The following ADAM23 variants were observed in gnomAD, a reference collection of about 807,000 sequenced individuals.
ADAM23 encodes ADAM metallopeptidase domain 23, also known as disintegrin and metalloproteinase domain-containing protein 23.
ADAM23 carries 33 observed loss-of-function variants against 120.1 expected under a neutral mutation model. The ratio of observed to expected loss-of-function variants is 0.27; its 90% confidence interval spans 0.21 to 0.37. The LOEUF (loss-of-function observed/expected upper bound fraction) is 0.37, where lower values mean the gene tolerates loss of function less well. ADAM23 is among the 10% of genes least tolerant of loss of function. ADAM23 has a pLI of 1.00. For synonymous variants in ADAM23, 367 were observed against 375.2 expected, an observed-to-expected ratio of 0.98 and a Z score of 0.25; for missense variants, 862 against 1,058.2, an observed-to-expected ratio of 0.81 and a Z score of 2.57.
intron 9 of ADAM23, among the ~76,000 whole-genome samples, chr2:206,554,825 A>T (rs1228536758): frequency 6.6e-6 from 1 of 152,196 alleles, no homozygotes; most frequent in Non-Finnish European, 1.5e-5. Context: ...GTCCAATTAA[A>T]TGGCACTTCA....
At chr2:206,510,946 G>GTAA (rs1696610736) in intron 3 of ADAM23, among the ~76,000 whole-genome samples, 6 of 152,106 alleles carry the variant, frequency 3.9e-5, no homozygotes, top group Non-Finnish European at 7.4e-5. Flanking sequence ...GCAAATTCAA[G>GTAA]TCTTTCTTTG....
chr2:206,511,651 A>G (rs529581751), intron 3 of ADAM23, among the ~76,000 whole-genome samples: 2 of 152,212 alleles, frequency 1.3e-5, no homozygotes, highest in African/African-American at 4.8e-5. Flanking sequence ...ACATTTCTTC[A>G]CTTCACCCCT....
chr2:206,598,574 G>A (rs1216867963), intron 24 of ADAM23, among the ~76,000 whole-genome samples: 1 of 151,916 alleles, frequency 6.6e-6, no homozygotes, highest in Non-Finnish European at 1.5e-5. Flanking sequence ...TTGAAAATAC[G>A]GAAAATATTA....
chr2:206,505,072 T>C (rs1051696656), intron 3 of ADAM23, among the ~76,000 whole-genome samples: 46 of 152,192 alleles, frequency 3.0e-4, no homozygotes, highest in African/African-American at 1.1e-3. Context: ...AAGAGCCAAG[T>C]GGCCTATAGG....
chr2:206,609,683 C>A (rs2105864507), intron 24 of ADAM23: 1 of 468,568 alleles, frequency 2.1e-6, no homozygotes, highest in East Asian at 4.3e-5. Context: ...TTTAATGGAA[C>A]TTAATTGTCA....
At chr2:206,501,462 A>G (rs1574500528) in intron 3 of ADAM23, among the ~76,000 whole-genome samples, 1 of 152,140 alleles carries the variant, frequency 6.6e-6, no homozygotes, top group East Asian at 1.9e-4. Flanking sequence ...ACCTCCTGGA[A>G]ATTGGTTCCT....
At chr2:206,448,260 A>G (rs976319696) in intron 2 of ADAM23, among the ~76,000 whole-genome samples, 1 of 152,226 alleles carries the variant, frequency 6.6e-6, no homozygotes, top group Non-Finnish European at 1.5e-5. Context: ...CAAATGCTGT[A>G]TTCCTTGATT....
At chr2:206,559,270 CAG>C (rs931630864) in intron 10 of ADAM23, among the ~76,000 whole-genome samples, 4 of 152,092 alleles carry the variant, frequency 2.6e-5, no homozygotes, top group African/African-American at 9.7e-5. Flanking sequence ...AGTTTGAAAA[CAG>C]GGCAAAATGA....
At chr2:206,484,883 C>CA (rs1352549358) in intron 3 of ADAM23, among the ~76,000 whole-genome samples, 1 of 152,126 alleles carries the variant, frequency 6.6e-6, no homozygotes, top group Non-Finnish European at 1.5e-5. Flanking sequence ...GAATAAGTCT[C>CA]ACGAGATCTG....
intron 24 of ADAM23, among the ~76,000 whole-genome samples, chr2:206,604,788 G>A (rs1483289865): frequency 1.3e-5 from 2 of 152,042 alleles, no homozygotes; most frequent in Non-Finnish European, 2.9e-5. Flanking sequence ...TCTTTGTTTC[G>A]TTTCACTGTC....
At chr2:206,474,298 T>C (rs1198215385) in intron 2 of ADAM23, among the ~76,000 whole-genome samples, 1 of 152,188 alleles carries the variant, frequency 6.6e-6, no homozygotes, top group Non-Finnish European at 1.5e-5. Flanking sequence ...ATGATTCATA[T>C]TATTTTGAAG....
At chr2:206,504,194 G>T (rs550447255) in intron 3 of ADAM23, among the ~76,000 whole-genome samples, 1 of 151,930 alleles carries the variant, frequency 6.6e-6, no homozygotes, top group East Asian at 1.9e-4. Context: ...TCTATAATAT[G>T]TTAAATACAT....
intron 4 of ADAM23, among the ~76,000 whole-genome samples, chr2:206,541,692 T>C (rs1001779548): frequency 2.6e-5 from 4 of 152,234 alleles, no homozygotes; most frequent in Admixed American, 1.3e-4. Flanking sequence ...AAAATGATTA[T>C]AAACAAACTT....
chr2:206,475,532 A>G (rs545560692), intron 2 of ADAM23, among the ~76,000 whole-genome samples: 1 of 151,668 alleles, frequency 6.6e-6, no homozygotes, highest in East Asian at 1.9e-4. Flanking sequence ...TCTCATTGAT[A>G]TTTAATTATC....
At chr2:206,447,012 AG>A (rs1695095050) in intron 2 of ADAM23, among the ~76,000 whole-genome samples, 1 of 152,206 alleles carries the variant, frequency 6.6e-6, no homozygotes, top group Non-Finnish European at 1.5e-5. Context: ...TGCTGGAGGA[AG>A]GAAAAACAGC....
At chr2:206,507,701 T>G (rs1368946132) in intron 3 of ADAM23, among the ~76,000 whole-genome samples, 1 of 152,236 alleles carries the variant, frequency 6.6e-6, no homozygotes, top group Admixed American at 6.5e-5. Flanking sequence ...TTAATGAGAT[T>G]TTGTCTGAAT....
In ADAM23 at chr2:206,491,987, C is replaced by T. The variant is rs1204338517; in HGVS notation, c.509+10679C>T. 3.3e-5 allele frequency among the ~76,000 whole-genome samples: 5 copies of T among 152,176 alleles called. No homozygotes were observed. The East Asian group carries it at 9.6e-4, about 29-fold the overall frequency. On this transcript the variant is annotated intron_variant, in intron 3 of 25. Coordinates refer to ENST00000264377, the MANE Select transcript of ADAM23 (RefSeq NM_003812.4). ...AGCCATTCATGAATGATTCCGAGCACTTTTATTTCACAAATGTTTATTGAG... is the reference window on the plus strand; with the variant it reads ...AGCCATTCATGAATGATTCCGAGCATTTTTATTTCACAAATGTTTATTGAG...
At chr2:206,521,596 C>A (rs1012669404) in intron 3 of ADAM23, among the ~76,000 whole-genome samples, 1 of 152,080 alleles carries the variant, frequency 6.6e-6, no homozygotes, top group Non-Finnish European at 1.5e-5. Context: ...TTGGTATACA[C>A]CTTTTCAGAC....
At chr2:206,524,595 C>T (rs991951722) in intron 3 of ADAM23, among the ~76,000 whole-genome samples, 1 of 152,186 alleles carries the variant, frequency 6.6e-6, no homozygotes, top group African/African-American at 2.4e-5. Flanking sequence ...GGAGGCCCCA[C>T]AATCATGGTG....
Sources: gnomAD v4.1 joint callset for allele counts (sites outside exome capture counted in the v4.1 genomes callset) on GRCh38, gnomAD v4.1.1 for gene constraint, MANE v1.5 for transcripts, NCBI Gene and HGNC (gene_info 2026-07-23, HGNC 2026-07-21) for gene names.